RBFOX1: variants seen among roughly 807,000 people sequenced by gnomAD.
The protein encoded by RBFOX1 is RNA binding protein fox-1 homolog 1.
RBFOX1 carries 8 observed loss-of-function variants against 57.7 expected under a neutral mutation model. The observed-to-expected ratio is 0.14, with a 90% CI of 0.08 to 0.25. The LOEUF is 0.25. Ranked by LOEUF, RBFOX1 falls within the 10% of genes least tolerant of loss-of-function variation. The pLI, the probability that RBFOX1 is intolerant of heterozygous loss-of-function variation, is 1.00. For missense variants in RBFOX1, 611 were observed against 548.5 expected (o/e 1.11, Z -1.14); for synonymous variants, 326 against 222.4 (o/e 1.47, Z -4.15).
chr16:6,981,042 C>CAAAAAATAA, intron 3 of RBFOX1, among the ~76,000 whole-genome samples: 1 of 77,438 alleles, frequency 1.3e-5, no homozygotes, highest in East Asian at 4.6e-4. Context: ...GTCTCAGTCT[C>CAAAAAATAA]AAAAAAAAAA....
At chr16:5,270,215 A>C in intron 1 of RBFOX1, 1 of 484,050 alleles carries the variant, frequency 2.1e-6, no homozygotes, top group Non-Finnish European at 3.8e-6. Flanking sequence ...AAGGTGGCAA[A>C]AAGGGAGTTA....
intron 2 of RBFOX1, among the ~76,000 whole-genome samples, chr16:6,431,456 C>T (rs1288373832): frequency 1.3e-5 from 2 of 152,030 alleles, no homozygotes; most frequent in Non-Finnish European, 2.9e-5. Flanking sequence ...GCCCAGGAAG[C>T]GTCACGTGGT....
rs151265800 is a variant in RBFOX1, at chr16:6,823,600, C to T, written c.-16+168950C>T. On this transcript the variant is annotated intron_variant, in intron 3 of 15. Coordinates refer to ENST00000550418, the MANE Select transcript of RBFOX1 (RefSeq NM_018723.4). ...AAGGGAGTATATTATCTTCTTCCTT[C>T]CTTGAATATTCCACCAGTTTTCCTC... Among the ~76,000 whole-genome samples the T allele has an allele frequency of 2.1e-3, 319 of 152,220 alleles. 3 individuals carry two copies. Among genetic ancestry groups the T allele is most frequent in the Admixed American group, 0.02 (300 of 15,290 alleles).
chr16:5,444,542 C>T (rs548498396), intron 1 of RBFOX1, among the ~76,000 whole-genome samples: 16 of 152,232 alleles, frequency 1.1e-4, no homozygotes, highest in African/African-American at 2.9e-4. Context: ...ATTGCGCCAC[C>T]GATCGGCTGT....
intron 2 of RBFOX1, among the ~76,000 whole-genome samples, chr16:6,518,070 T>C (rs1310435534): frequency 6.6e-6 from 1 of 152,214 alleles, no homozygotes; most frequent in Non-Finnish European, 1.5e-5. Context: ...GTTGGAGATT[T>C]TCCTTTTGTT....
At chr16:7,243,360 A>T (rs377565523) in intron 4 of RBFOX1, among the ~76,000 whole-genome samples, 1 of 152,166 alleles carries the variant, frequency 6.6e-6, no homozygotes, top group Non-Finnish European at 1.5e-5. Flanking sequence ...TATGTATGAG[A>T]TGAAGAGACA....
intron 1 of RBFOX1, among the ~76,000 whole-genome samples, chr16:5,464,775 A>G (rs1273858537): frequency 6.6e-6 from 1 of 152,186 alleles, no homozygotes; most frequent in African/African-American, 2.4e-5. Flanking sequence ...TCTGAGTCCC[A>G]AGAAAGGAGG....
At position 7,470,891 on chromosome 16, in the gene RBFOX1, G is replaced by A. The variant is rs566928066; in HGVS notation, c.28-47256G>A. Among the ~76,000 whole-genome samples, 14 of 150,972 alleles carry A rather than the reference G, an allele frequency of 9.3e-5. No individual in the cohort carries two copies. The East Asian group carries it at 9.8e-4, about 11-fold the overall frequency. On this transcript the variant is annotated intron_variant, in intron 4 of 15. Transcript: ENST00000550418. ...AGAGTAGATCTCAGGGCGGGATGGG[G>A]GAGTATAATTTGCTTTACTTTTTTT... is the stretch of plus-strand genomic sequence containing the variant.
Position 5,625,535 on chromosome 16 carries a change from G to GTTATTTATTTATTTAT in RBFOX1, c.318+26585_318+26586insTTTATTTATTTATTTA, listed in dbSNP as rs71404538. Among the ~76,000 whole-genome samples the GTTATTTATTTATTTAT allele has an allele frequency of 2.0e-3, 285 of 143,126 alleles. 2 individuals are homozygous for GTTATTTATTTATTTAT. The highest frequency in any genetic ancestry group is 6.9e-3 in the Middle Eastern group (2 of 288). 93.9% of individuals were successfully genotyped at this position (143,126 alleles called of 152,430 possible). On this transcript the variant is annotated intron_variant, in intron 3 of 19. Coordinates refer to the RBFOX1 transcript ENST00000641259. ...TGGATTTACTCTTTTAATATTTTTT[G>GTTATTTATTTATTTAT]TTATTTATTTACTTATTTATTTATT...
chr16:6,725,826 G>A (rs77336650), intron 3 of RBFOX1, among the ~76,000 whole-genome samples: 1,913 of 152,104 alleles, frequency 0.013, 62 homozygotes, highest in African/African-American at 0.043. Context: ...TCAAGCATTG[G>A]GTTGTGCAAT....
intron 3 of RBFOX1, among the ~76,000 whole-genome samples, chr16:5,828,671 C>G (rs983828095): frequency 6.6e-6 from 1 of 151,944 alleles, no homozygotes; most frequent in African/African-American, 2.4e-5. Context: ...TGCAGTCCAG[C>G]CTGGTGAGCG....
At chr16:6,528,687 G>C (rs1345361521) in intron 2 of RBFOX1, among the ~76,000 whole-genome samples, 1 of 152,184 alleles carries the variant, frequency 6.6e-6, no homozygotes, top group Non-Finnish European at 1.5e-5. Context: ...GAGTAGGGCA[G>C]AGTTTCTCAA....
chr16:7,027,857 A>T (rs758757009), intron 3 of RBFOX1, among the ~76,000 whole-genome samples: 27 of 151,616 alleles, frequency 1.8e-4, no homozygotes, highest in Non-Finnish European at 2.7e-4. Context: ...GAGAAAGGAG[A>T]GGGAGGAGAG....
intron 4 of RBFOX1, among the ~76,000 whole-genome samples, chr16:7,152,142 T>A (rs562006239): frequency 2.0e-5 from 3 of 152,332 alleles, no homozygotes; most frequent in South Asian, 2.1e-4. Flanking sequence ...GTGTCAATTC[T>A]GTTTGGATCA....
chr16:5,446,472 G>A (rs555877629), intron 1 of RBFOX1, among the ~76,000 whole-genome samples: 4 of 152,174 alleles, frequency 2.6e-5, no homozygotes, highest in Non-Finnish European at 5.9e-5. Context: ...TTAGCCTGTT[G>A]ATTAAACCTG....
intron 3 of RBFOX1, among the ~76,000 whole-genome samples, chr16:5,617,985 G>A (rs1043375662): frequency 2.6e-5 from 4 of 152,122 alleles, no homozygotes; most frequent in African/African-American, 7.2e-5. Flanking sequence ...CCCAGGAAAT[G>A]GTTGGCAATT....
chr16:6,445,731 C>T (rs993988866), intron 2 of RBFOX1, among the ~76,000 whole-genome samples: 2 of 151,990 alleles, frequency 1.3e-5, no homozygotes, highest in African/African-American at 4.8e-5. Flanking sequence ...TACAGGCACA[C>T]ACCACCATGC....
chr16:6,750,091 G>T (rs116988221), intron 3 of RBFOX1, among the ~76,000 whole-genome samples: 9,603 of 152,182 alleles, frequency 0.063, 411 homozygotes, highest in Middle Eastern at 0.11. Context: ...GAGGTGTATA[G>T]GGTTATGATC....
intron 4 of RBFOX1, among the ~76,000 whole-genome samples, chr16:7,053,548 A>C (rs1598215432): frequency 6.6e-6 from 1 of 152,322 alleles, no homozygotes; most frequent in East Asian, 1.9e-4. Context: ...TCCCTGATAA[A>C]TGCCTGAGAA....
Sources: allele counts gnomAD v4.1 joint callset (sites outside exome capture counted in the v4.1 genomes callset), GRCh38; gene constraint gnomAD v4.1.1; transcripts MANE v1.5; gene names NCBI Gene and HGNC (gene_info 2026-07-23, HGNC 2026-07-21).